Variants in IGF1R observed in about 807,000 individuals in gnomAD.
IGF1R encodes the protein insulin like growth factor 1 receptor, also known as insulin-like growth factor 1 receptor.
In IGF1R, 44 loss-of-function variants were observed where a neutral mutation model predicts 144.6. That is an observed-to-expected ratio of 0.30 (90% CI 0.24 to 0.39). The LOEUF (loss-of-function observed/expected upper bound fraction) is 0.39, where lower values mean the gene tolerates loss of function less well. IGF1R is among the 10% of genes least tolerant of loss of function. The pLI, the probability that IGF1R is intolerant of heterozygous loss-of-function variation, is 1.00. For missense variants in IGF1R, 1,355 were observed against 1,833.7 expected (o/e 0.74, Z 4.77); for synonymous variants, 795 against 722.8 (o/e 1.10, Z -1.60).
chr15:98,757,035 C>G (rs2055172660), intron 2 of IGF1R, among the ~76,000 whole-genome samples: 1 of 152,116 alleles, frequency 6.6e-6, no homozygotes, highest in Non-Finnish European at 1.5e-5. Flanking sequence ...AAAAATTATG[C>G]CCTTGGTAAA....
chr15:98,686,179 C>G (rs976205313), intron 1 of IGF1R, among the ~76,000 whole-genome samples: 1 of 152,172 alleles, frequency 6.6e-6, no homozygotes, highest in African/African-American at 2.4e-5. Context: ...ATAATGTCCT[C>G]AAGGTTCATT....
At chr15:98,788,337 TC>T (rs1199792731) in intron 2 of IGF1R, among the ~76,000 whole-genome samples, 1 of 152,046 alleles carries the variant, frequency 6.6e-6, no homozygotes, top group Non-Finnish European at 1.5e-5. Flanking sequence ...TGCAGGGATC[TC>T]CCCTTGGGTA....
chr15:98,951,693 C>T (rs1319480140), intron 20 of IGF1R, among the ~76,000 whole-genome samples: 1 of 152,222 alleles, frequency 6.6e-6, no homozygotes, highest in Non-Finnish European at 1.5e-5. Flanking sequence ...GTATGCCCTG[C>T]ATGAATCGCC....
At chr15:98,702,438 C>T (rs1172523633) in intron 1 of IGF1R, among the ~76,000 whole-genome samples, 1 of 152,084 alleles carries the variant, frequency 6.6e-6, no homozygotes, top group Admixed American at 6.6e-5. Context: ...GCAACGTCTG[C>T]CTTGTGGGTT....
chr15:98,685,951 C>A (rs146275013), intron 1 of IGF1R, among the ~76,000 whole-genome samples: 1 of 152,348 alleles, frequency 6.6e-6, no homozygotes, highest in East Asian at 1.9e-4. Flanking sequence ...TAAGTACATT[C>A]ATATTGTTGT....
chr15:98,899,402 T>C lies in IGF1R; in HGVS notation c.1103-75T>C. On this transcript the variant is annotated intron_variant, in intron 4 of 20. Transcript: ENST00000650285. ...CACCTGCCGTTGAATTGTTCTCACT[T>C]GTGTTTGTAAGAATCCAAGTATGTC... 4 of 1,491,372 alleles carry C rather than the reference T, an allele frequency of 2.7e-6. No individual in the cohort carries two copies. In the South Asian group the frequency reaches 4.5e-5, roughly 17 times the overall value. 92.4% of individuals were successfully genotyped at this position (1,491,372 alleles called of 1,614,324 possible).
intron 1 of IGF1R, among the ~76,000 whole-genome samples, chr15:98,686,985 G>A (rs1304281220): frequency 6.6e-6 from 1 of 152,148 alleles, no homozygotes; most frequent in Non-Finnish European, 1.5e-5. Flanking sequence ...AAATTTTTAT[G>A]GGTATGAATT....
intron 2 of IGF1R, among the ~76,000 whole-genome samples, chr15:98,886,611 C>T (rs902125191): frequency 5.3e-5 from 8 of 152,096 alleles, no homozygotes; most frequent in African/African-American, 1.9e-4. Context: ...GAAGAGGGTC[C>T]CTTCCTTTCC....
chr15:98,834,312 AC>A (rs2057055323), intron 2 of IGF1R, among the ~76,000 whole-genome samples: 1 of 152,216 alleles, frequency 6.6e-6, no homozygotes, highest in Admixed American at 6.5e-5. Context: ...AGAAGCTGTC[AC>A]TTTCTCTGGC....
intron 2 of IGF1R, among the ~76,000 whole-genome samples, chr15:98,718,061 A>G (rs1422378517): frequency 6.6e-6 from 1 of 151,908 alleles, no homozygotes; most frequent in Admixed American, 6.6e-5. Flanking sequence ...TCTCACCCCC[A>G]TTGCAGGAAA....
At chr15:98,879,603 G>C (rs1280282042) in intron 2 of IGF1R, among the ~76,000 whole-genome samples, 1 of 152,094 alleles carries the variant, frequency 6.6e-6, no homozygotes, top group East Asian at 1.9e-4. Context: ...TGATTTGATA[G>C]CGTTACCAAA....
chr15:98,892,128 A>G (rs1280957357), intron 3 of IGF1R, among the ~76,000 whole-genome samples: 2 of 152,222 alleles, frequency 1.3e-5, no homozygotes, highest in East Asian at 3.8e-4. Flanking sequence ...AGTAGGCAGT[A>G]GCTTAAAATA....
intron 2 of IGF1R, among the ~76,000 whole-genome samples, chr15:98,748,453 G>A (rs887415603): frequency 6.6e-6 from 1 of 152,198 alleles, no homozygotes; most frequent in South Asian, 2.1e-4. Context: ...GGGATTACAG[G>A]CGTGAGCCAC....
chr15:98,885,652 T>C (rs952867447), intron 2 of IGF1R, among the ~76,000 whole-genome samples: 2 of 152,180 alleles, frequency 1.3e-5, no homozygotes, highest in African/African-American at 4.8e-5. Flanking sequence ...GGCCCTAAAC[T>C]CTTCCGTATT....
chr15:98,935,225 G>A lies in IGF1R; in HGVS notation c.3187-91G>A. On this transcript the variant is annotated intron_variant, in intron 16 of 20. Coordinates refer to ENST00000650285, the MANE Select transcript of IGF1R (RefSeq NM_000875.5). This position sits in a 1 kb window ranked among gnomAD's most constrained non-coding sequence, Gnocchi z 4.2. ...CTTCAGACCCCTGTGCTCAGACCAG[G>A]CCGCAGCACCACAGAGACAGTTCCA... 1 of 1,012,464 alleles carries A rather than the reference G, an allele frequency of 9.9e-7. No individual in the cohort carries two copies. Among genetic ancestry groups the A allele is most frequent in the Non-Finnish European group, 1.5e-6 (1 of 656,016 alleles). 62.7% of individuals were successfully genotyped at this position (1,012,464 alleles called of 1,614,324 possible).
At chr15:98,791,851 T>A (rs1567131241) in intron 2 of IGF1R, among the ~76,000 whole-genome samples, 1 of 152,198 alleles carries the variant, frequency 6.6e-6, no homozygotes, top group Non-Finnish European at 1.5e-5. Context: ...AAATACAGAC[T>A]GAGAGTTTCA....
intron 2 of IGF1R, among the ~76,000 whole-genome samples, chr15:98,826,444 A>C (rs2058872534): frequency 6.6e-6 from 1 of 152,204 alleles, no homozygotes; most frequent in South Asian, 2.1e-4. Context: ...ATGATATTTA[A>C]GTGAACTGCA....
chr15:98,686,331 CTT>C (rs1217336167), intron 1 of IGF1R, among the ~76,000 whole-genome samples: 5 of 152,228 alleles, frequency 3.3e-5, no homozygotes, highest in Non-Finnish European at 5.9e-5. Flanking sequence ...TCGATGGACA[CTT>C]GAGTTGCTCC....
At position 98,722,969 on chromosome 15, in the gene IGF1R, G is replaced by A. The variant is rs986682879; in HGVS notation, c.640+14862G>A. Reference sequence around the variant, plus strand: ...TTGAAGGACTTGAATGAGTTTCTGTGTGGCTGAACAGAAACTGGTTCAACA... The same window carrying A: ...TTGAAGGACTTGAATGAGTTTCTGTATGGCTGAACAGAAACTGGTTCAACA... On this transcript the variant is annotated intron_variant, in intron 2 of 20. Transcript: ENST00000650285. Among the ~76,000 whole-genome samples the A allele has an allele frequency of 3.3e-5, 5 of 152,114 alleles. No individual in the cohort carries two copies. The South Asian group carries it at 1.0e-3, about 32-fold the overall frequency.
Sources: allele counts gnomAD v4.1 joint callset (sites outside exome capture counted in the v4.1 genomes callset), GRCh38; gene constraint gnomAD v4.1.1; non-coding constraint Gnocchi (gnomAD v3.1); transcripts MANE v1.5; gene names NCBI Gene and HGNC (gene_info 2026-07-23, HGNC 2026-07-21).